Variants in RANBP9 observed in about 807,000 individuals in gnomAD.
RANBP9 encodes RAN binding protein 9, also known as ran-binding protein 9.
Under a neutral mutation model 84.3 loss-of-function variants are expected in RANBP9, and 15 were observed. That is an observed-to-expected ratio of 0.18 (90% confidence interval 0.12 to 0.27). The LOEUF (loss-of-function observed/expected upper bound fraction) is 0.27, where lower values mean the gene tolerates loss of function less well. RANBP9 is among the 10% of genes least tolerant of loss of function. The pLI is 1.00. For synonymous variants in RANBP9, 392 were observed against 349.6 expected, an observed-to-expected ratio of 1.12 and a Z score of -1.35; for missense variants, 809 against 912.8, an observed-to-expected ratio of 0.89 and a Z score of 1.46.
chr6:13,679,890 T>C (rs1765988531), intron 2 of RANBP9, among the ~76,000 whole-genome samples: 1 of 152,180 alleles, frequency 6.6e-6, no homozygotes, highest in Non-Finnish European at 1.5e-5. Context: ...TCAAGACTTG[T>C]TCACAGGAAG....
At chr6:13,660,379 C>G (rs1437125776) in intron 2 of RANBP9, among the ~76,000 whole-genome samples, 1 of 151,938 alleles carries the variant, frequency 6.6e-6, no homozygotes. Context: ...TGCGGTGGTG[C>G]ACACCTGTGG....
chr6:13,701,928 C>A (rs548243188), intron 1 of RANBP9, among the ~76,000 whole-genome samples: 3 of 152,302 alleles, frequency 2.0e-5, no homozygotes, highest in African/African-American at 7.2e-5. Flanking sequence ...CCAAGACCAA[C>A]CATTCTGGAC....
chr6:13,647,184 G>C (rs1765190475), intron 5 of RANBP9, among the ~76,000 whole-genome samples: 1 of 152,094 alleles, frequency 6.6e-6, no homozygotes, highest in Non-Finnish European at 1.5e-5. Flanking sequence ...ATAAGTATGT[G>C]CAAAGATATG....
intron 7 of RANBP9, among the ~76,000 whole-genome samples, chr6:13,641,634 TCAAA>T (rs1409550042): frequency 6.6e-6 from 1 of 152,168 alleles, no homozygotes; most frequent in African/African-American, 2.4e-5. Flanking sequence ...AAATGCCTTA[TCAAA>T]CATAATCTTC....
intron 12 of RANBP9, among the ~76,000 whole-genome samples, chr6:13,628,809 T>C (rs925571025): frequency 2.0e-5 from 3 of 152,194 alleles, no homozygotes; most frequent in Admixed American, 6.5e-5. Context: ...TACTAACATA[T>C]GTTAAACCCG....
intron 2 of RANBP9, among the ~76,000 whole-genome samples, chr6:13,686,142 T>C (rs1336176285): frequency 9.3e-6 from 1 of 107,266 alleles, no homozygotes; most frequent in Non-Finnish European, 1.7e-5. Context: ...TCTCACTCTG[T>C]AGCCTAGGCT....
chr6:13,652,759 AAGG>A (rs1765324304), intron 4 of RANBP9, 78 bp from the exon 5 acceptor site: 2 of 1,271,664 alleles, frequency 1.6e-6, no homozygotes, highest in African/African-American at 1.5e-5. Context: ...TTCTAACTAA[AAGG>A]AGGAAACAAA....
At chr6:13,689,482 C>G (rs930294965) in intron 2 of RANBP9, among the ~76,000 whole-genome samples, 12 of 152,030 alleles carry the variant, frequency 7.9e-5, no homozygotes, top group African/African-American at 2.9e-4. Flanking sequence ...ATATGTTGGT[C>G]AGGCTAGTCT....
intron 2 of RANBP9, among the ~76,000 whole-genome samples, chr6:13,664,508 TG>T (rs1261523120): frequency 6.6e-6 from 1 of 152,068 alleles, no homozygotes; most frequent in Non-Finnish European, 1.5e-5. Flanking sequence ...ATATAGAAGC[TG>T]ATTAATGAAT....
chr6:13,674,827 C>T (rs542146540), intron 2 of RANBP9, among the ~76,000 whole-genome samples: 1 of 152,210 alleles, frequency 6.6e-6, no homozygotes, highest in Admixed American at 6.5e-5. Context: ...CCCATGTTAC[C>T]CTTACTTTAA....
At chr6:13,679,145 C>T (rs1765968967) in intron 2 of RANBP9, among the ~76,000 whole-genome samples, 1 of 152,302 alleles carries the variant, frequency 6.6e-6, no homozygotes, top group East Asian at 1.9e-4. Context: ...CTACCACATT[C>T]TTCCCAAAGC....
intron 5 of RANBP9, among the ~76,000 whole-genome samples, chr6:13,649,433 C>T (rs368482450): frequency 1.4e-5 from 2 of 146,936 alleles, no homozygotes; most frequent in East Asian, 2.0e-4. Flanking sequence ...CAAAAGCTCA[C>T]GCTGACTAGT....
intron 5 of RANBP9, 126 bp downstream of exon 5, chr6:13,652,533 G>T (rs1765319768): frequency 3.4e-6 from 3 of 879,308 alleles, no homozygotes; most frequent in Admixed American, 5.9e-5. Flanking sequence ...CTCTTTCTTT[G>T]CATGTCATAT....
chr6:13,688,100 G>C (rs944528290), intron 2 of RANBP9, among the ~76,000 whole-genome samples: 1 of 152,178 alleles, frequency 6.6e-6, no homozygotes, highest in African/African-American at 2.4e-5. Flanking sequence ...AGTGCTTTAA[G>C]TGAGTTATGT....
At chr6:13,657,783 T>G (rs1765436631) in intron 3 of RANBP9, among the ~76,000 whole-genome samples, 1 of 152,194 alleles carries the variant, frequency 6.6e-6, no homozygotes, top group South Asian at 2.1e-4. Flanking sequence ...ATCAGTTACT[T>G]CTATAAGGAG....
chr6:13,654,320 A>G (rs529503422), intron 4 of RANBP9, among the ~76,000 whole-genome samples: 1 of 152,228 alleles, frequency 6.6e-6, no homozygotes, highest in Non-Finnish European at 1.5e-5. Flanking sequence ...GGCTTTTTGA[A>G]AAGTGATCTT....
chr6:13,628,238 C>A (rs374965817), intron 12 of RANBP9, among the ~76,000 whole-genome samples: 19 of 152,238 alleles, frequency 1.2e-4, no homozygotes, highest in South Asian at 8.3e-4. Context: ...TAAAATTTTT[C>A]TCTGGTATTT....
intron 2 of RANBP9, among the ~76,000 whole-genome samples, chr6:13,678,207 G>A (rs1012180603): frequency 6.6e-6 from 1 of 152,026 alleles, no homozygotes; most frequent in Non-Finnish European, 1.5e-5. Flanking sequence ...GTTTAGAAAA[G>A]GCAATCACTA....
intron 2 of RANBP9, among the ~76,000 whole-genome samples, chr6:13,687,033 TA>T (rs1245847335): frequency 1.3e-5 from 2 of 152,206 alleles, no homozygotes; most frequent in African/African-American, 4.8e-5. Context: ...GAAATTGTTT[TA>T]AAAAATTCAT....
Sources: allele counts gnomAD v4.1 joint callset (sites outside exome capture counted in the v4.1 genomes callset), GRCh38; gene constraint gnomAD v4.1.1; transcripts MANE v1.5; gene names NCBI Gene and HGNC (gene_info 2026-07-23, HGNC 2026-07-21).